EPG5: variants seen among roughly 807,000 people sequenced by gnomAD.
The protein encoded by EPG5 is ectopic P-granules 5 autophagy tethering factor, also known as ectopic P granules protein 5 homolog.
In EPG5, 159 loss-of-function variants were observed where a neutral mutation model predicts 302.7. That is an observed-to-expected ratio of 0.53 (90% confidence interval 0.46 to 0.60). EPG5 has a LOEUF of 0.60. Ranked by LOEUF, EPG5 falls within the 20% of genes least tolerant of loss-of-function variation. EPG5 has a pLI of 0.00. For synonymous variants in EPG5, 1,158 were observed against 1,136.8 expected (o/e 1.02, Z -0.37); for missense variants, 2,896 against 3,092.4 (o/e 0.94, Z 1.51).
At chr18:45,833,528 G>A in the EPG5 span, among the ~76,000 whole-genome samples, 2 of 152,076 alleles carry the variant, frequency 1.3e-5, no homozygotes, top group African/African-American at 4.8e-5. Context: ...AGCCAGGCTG[G>A]TCTGGAACTC....
At position 45,882,399 on chromosome 18, in the gene EPG5, G is replaced by C. The variant is rs1255268891; in HGVS notation, c.5393C>G (p.Ala1798Gly). 3 of 1,614,044 alleles carry C rather than the reference G, an allele frequency of 1.9e-6. No individual in the cohort carries two copies. Among genetic ancestry groups the C allele is most frequent in the Admixed American group, 3.3e-5 (2 of 60,006 alleles). Residue 1798 changes from alanine to glycine, a missense_variant, in exon 31 of 44, where the codon GCC becomes GGC. Ala to Gly is a moderately conservative substitution (Grantham distance 60, BLOSUM62 0). Transcript: ENST00000282041. ...ATCCTCATCTGGTTCAAGGCCCCAG[G>C]CAGTAAGTGCCAAGTGAATGGACTC... The part of the protein sequence containing the change: ...LLESIHLALT[A>G]WGLEPDEDIL...
chr18:45,858,122 A>G (rs977598074), intron 41 of EPG5, 54 bp from the exon 42 acceptor site: 1 of 1,325,986 alleles, frequency 7.5e-7, no homozygotes, highest in Non-Finnish European at 1.1e-6. Context: ...TCCCACTCCC[A>G]TTTAACTGCA....
chr18:45,960,309 C>A (rs954818040), intron 1 of EPG5, among the ~76,000 whole-genome samples: 1 of 152,116 alleles, frequency 6.6e-6, no homozygotes, highest in Admixed American at 6.5e-5. Context: ...TGTTGCCCAA[C>A]CTAGAGTGCA....
intron 7 of EPG5, among the ~76,000 whole-genome samples, chr18:45,945,717 T>G (rs980132760): frequency 1.3e-5 from 2 of 152,168 alleles, no homozygotes; most frequent in African/African-American, 4.8e-5. Context: ...AAGACCAATC[T>G]GTACTGGCTC....
At chr18:45,863,394 C>A (rs2048676749) in intron 39 of EPG5, among the ~76,000 whole-genome samples, 1 of 152,138 alleles carries the variant, frequency 6.6e-6, no homozygotes, top group Non-Finnish European at 1.5e-5. Context: ...CTTTTTATCT[C>A]CCTCTACTGA....
chr18:45,870,281 C>A (rs190728391), intron 36 of EPG5, among the ~76,000 whole-genome samples: 11 of 152,062 alleles, frequency 7.2e-5, no homozygotes, highest in Non-Finnish European at 1.5e-4. Context: ...TTAAGCATAA[C>A]GGAGGCATTA....
the EPG5 span, among the ~76,000 whole-genome samples, chr18:45,834,738 T>C: frequency 1.3e-5 from 2 of 152,188 alleles, no homozygotes; most frequent in Non-Finnish European, 2.9e-5. Flanking sequence ...AGTGGGGAAG[T>C]GTCCAATACA....
chr18:45,950,618 T>C (rs945103530), intron 4 of EPG5, among the ~76,000 whole-genome samples: 1 of 152,230 alleles, frequency 6.6e-6, no homozygotes, highest in African/African-American at 2.4e-5. Flanking sequence ...AAAGGACTAA[T>C]ACATTTGGGG....
the EPG5 span, among the ~76,000 whole-genome samples, chr18:45,836,014 G>C: frequency 3.5e-4 from 53 of 152,294 alleles, no homozygotes; most frequent in African/African-American, 1.3e-3. Context: ...CGGTCCTGTG[G>C]GCGGCCGGAG....
intron 13 of EPG5, among the ~76,000 whole-genome samples, chr18:45,926,898 C>T (rs2050282630): frequency 6.6e-6 from 1 of 151,986 alleles, no homozygotes; most frequent in African/African-American, 2.4e-5. Context: ...ATATGATCCA[C>T]TGTACATTTC....
intron 30 of EPG5, among the ~76,000 whole-genome samples, chr18:45,883,688 C>T (rs1349191446): frequency 1.6e-5 from 2 of 128,496 alleles, no homozygotes; most frequent in African/African-American, 5.8e-5. Flanking sequence ...CAAATTCCTA[C>T]GCTCAAGCAA....
the EPG5 span, among the ~76,000 whole-genome samples, chr18:45,817,138 G>A: frequency 9.9e-5 from 15 of 152,072 alleles, no homozygotes; most frequent in African/African-American, 3.6e-4. Context: ...AGTGGGTGAG[G>A]GATAAAAGGC....
chr18:45,917,313 A>G (rs939145670), intron 17 of EPG5, among the ~76,000 whole-genome samples: 1 of 152,196 alleles, frequency 6.6e-6, no homozygotes, highest in Admixed American at 6.5e-5. Flanking sequence ...TGTGCACTGT[A>G]AACAATTTAA....
At chr18:45,852,696 A>G in intron 43 of EPG5, 47 bp from the exon 44 acceptor site, 1 of 1,522,052 alleles carries the variant, frequency 6.6e-7, no homozygotes, top group Non-Finnish European at 9.0e-7. Flanking sequence ...GAGGCACATA[A>G]TGTGACTGCC....
chr18:45,844,617 C>T (rs980085076), downstream of EPG5, among the ~76,000 whole-genome samples: 18 of 152,178 alleles, frequency 1.2e-4, no homozygotes, highest in African/African-American at 4.3e-4. Context: ...GGGATCTTCA[C>T]AAGATCTTCA....
In EPG5 at chr18:45,885,189, A is replaced by C. The variant is rs573858025; in HGVS notation, c.5110-378T>G. 1.5e-3 allele frequency among the ~76,000 whole-genome samples: 227 copies of C among 152,044 alleles called. 1 individual carries two copies. Among genetic ancestry groups the C allele is most frequent in the Non-Finnish European group, 2.6e-3 (175 of 68,024 alleles). The stretch of plus-strand genomic sequence containing the variant: ...CCCCGTCTCTACTAAAAATACAAAA[A>C]TTAGCTGGGCGTGGTGGTGGGCACC... On this transcript the variant is annotated intron_variant, in intron 29 of 43. Coordinates refer to ENST00000282041, the MANE Select transcript of EPG5 (RefSeq NM_020964.3).
chr18:45,802,307 G>A, the EPG5 span, among the ~76,000 whole-genome samples: 1 of 152,148 alleles, frequency 6.6e-6, no homozygotes, highest in Admixed American at 6.6e-5. Context: ...GATCATTTGA[G>A]GTCAGGAGTT....
intron 15 of EPG5, 80 bp downstream of exon 15, chr18:45,923,188 G>A (rs1037986221): frequency 4.7e-6 from 7 of 1,482,658 alleles, no homozygotes; most frequent in East Asian, 2.3e-5. Context: ...ATGGTCAATA[G>A]TATAAGTCTA....
chr18:45,837,664 G>A, the EPG5 span: 3 of 1,496,720 alleles, frequency 2.0e-6, no homozygotes, highest in Non-Finnish European at 2.7e-6. Flanking sequence ...AGCCCTATGC[G>A]GGCCCGCAGG....
Sources: gnomAD v4.1 joint callset for allele counts (sites outside exome capture counted in the v4.1 genomes callset) on GRCh38, gnomAD v4.1.1 for gene constraint, MANE v1.5 for transcripts, NCBI Gene and HGNC (gene_info 2026-07-23, HGNC 2026-07-21) for gene names.